The following DNAJC7 variants were observed in gnomAD, a reference collection of about 807,000 sequenced individuals.
DNAJC7 encodes the protein dnaJ homolog subfamily C member 7.
A neutral mutation model predicts 67.4 loss-of-function variants in DNAJC7; 18 were observed. That is an observed-to-expected ratio of 0.27 (90% CI 0.18 to 0.40). DNAJC7 has a LOEUF of 0.40. Ranked by LOEUF, DNAJC7 falls within the 10% of genes least tolerant of loss-of-function variation. DNAJC7 has a pLI of 1.00. For synonymous variants in DNAJC7, 220 were observed against 207.8 expected (o/e 1.06, Z -0.50); for missense variants, 419 against 613.8 (o/e 0.68, Z 3.35).
chr17:41,983,352 G>T (rs908263376), intron 10 of DNAJC7, among the ~76,000 whole-genome samples: 5 of 152,114 alleles, frequency 3.3e-5, no homozygotes, highest in African/African-American at 1.2e-4. Flanking sequence ...TCCAACTCCT[G>T]ATCTCAGGTG....
rs1236156331 is a variant in DNAJC7 at position 42,011,081 on chromosome 17, A to C, written c.77+6259T>G. ...AAGACCTCTGAGTAACTTCCACATC[A>C]CTCAGTGCTGGAGAAAGGGGACCAA... On this transcript the variant is annotated intron_variant, in intron 1 of 13. Coordinates refer to ENST00000457167, the MANE Select transcript of DNAJC7 (RefSeq NM_003315.4). The C allele has an allele frequency of 2.0e-5, 3 of 152,112 alleles. No individual in the cohort carries two copies. The East Asian group carries it at 5.8e-4, about 29-fold the overall frequency. 9.4% of individuals were successfully genotyped at this position (152,112 alleles called of 1,614,324 possible). A position where few individuals can be genotyped will look rare whatever the true frequency, so the allele number is the denominator to read the frequency against.
chr17:42,013,891 T>C (rs990660303), intron 1 of DNAJC7: 1 of 152,180 alleles, frequency 6.6e-6, no homozygotes, highest in Non-Finnish European at 1.5e-5. Flanking sequence ...GCCTACCGGA[T>C]TCAAGTGATT....
At chr17:42,013,545 A>G (rs1183338136) in intron 1 of DNAJC7, 1 of 152,214 alleles carries the variant, frequency 6.6e-6, no homozygotes, top group African/African-American at 2.4e-5. Flanking sequence ...TGATCCCTAA[A>G]TGAACTGGTA....
intron 12 of DNAJC7, 183 bp downstream of exon 12, chr17:41,981,672 C>T (rs2051256086): frequency 3.8e-6 from 3 of 782,232 alleles, no homozygotes; most frequent in Non-Finnish European, 6.0e-6. Flanking sequence ...CTCGCCTCCT[C>T]AGAGCTCACT....
intron 10 of DNAJC7, 106 bp from the exon 11 acceptor site, chr17:41,982,507 G>A (rs2051275665): frequency 1.4e-6 from 2 of 1,434,860 alleles, no homozygotes; most frequent in Admixed American, 4.3e-5. Context: ...AACCATGCCA[G>A]GGACTTTTAC....
At chr17:41,978,049 G>C (rs1184195379) in intron 12 of DNAJC7, among the ~76,000 whole-genome samples, 2 of 152,150 alleles carry the variant, frequency 1.3e-5, no homozygotes, top group African/African-American at 4.8e-5. Context: ...TGTTTTGTCA[G>C]GGTAAGTATC....
At chr17:41,980,397 A>G (rs1171634242) in intron 12 of DNAJC7, among the ~76,000 whole-genome samples, 1 of 150,438 alleles carries the variant, frequency 6.6e-6, no homozygotes, top group African/African-American at 2.4e-5. Context: ...TTAATTAATT[A>G]ATTTTTGAGA....
intron 3 of DNAJC7, 84 bp from the exon 4 acceptor site, chr17:41,996,508 A>G: frequency 7.8e-7 from 1 of 1,287,030 alleles, no homozygotes; most frequent in Non-Finnish European, 1.1e-6. Flanking sequence ...ACCCACACAA[A>G]ACCAACACAG....
At chr17:42,010,074 G>A (rs920283041) in intron 1 of DNAJC7, among the ~76,000 whole-genome samples, 6 of 152,142 alleles carry the variant, frequency 3.9e-5, no homozygotes, top group East Asian at 1.9e-4. Flanking sequence ...CCCAGGAAGC[G>A]GAGATTGCAG....
intron 12 of DNAJC7, chr17:41,977,528 G>A (rs944491285): frequency 3.0e-5 from 14 of 467,518 alleles, no homozygotes; most frequent in Non-Finnish European, 5.4e-5. Flanking sequence ...CCTAGGACAT[G>A]TTCCCTTCTC....
At chr17:42,015,208 G>A (rs1555651671) in intron 1 of DNAJC7, 2 of 151,376 alleles carry the variant, frequency 1.3e-5, no homozygotes, top group East Asian at 1.9e-4. Context: ...TCAAACTCCC[G>A]ACCTCAGCTG....
intron 9 of DNAJC7, chr17:41,984,569 AGT>A (rs1248580428): frequency 6.6e-6 from 1 of 151,776 alleles, no homozygotes; most frequent in Non-Finnish European, 1.5e-5. Context: ...GACCTCCCAG[AGT>A]GTTGGGATTA....
At chr17:41,986,549 T>G (rs2051385892) in intron 9 of DNAJC7, among the ~76,000 whole-genome samples, 1 of 149,518 alleles carries the variant, frequency 6.7e-6, no homozygotes, top group Admixed American at 6.7e-5. Flanking sequence ...TTTTTTTTTT[T>G]GCTATTATAG....
intron 1 of DNAJC7, chr17:42,017,046 C>T (rs1351659413): frequency 7.4e-7 from 1 of 1,355,520 alleles, no homozygotes; most frequent in Non-Finnish European, 9.5e-7. Context: ...CCACCTCGCA[C>T]CAGACCTCTG....
At chr17:42,010,748 G>C (rs192212094) in intron 1 of DNAJC7, among the ~76,000 whole-genome samples, 1 of 152,218 alleles carries the variant, frequency 6.6e-6, no homozygotes, top group East Asian at 1.9e-4. Context: ...AGTAATATTA[G>C]AATCAAGAGA....
chr17:42,011,906 G>T (rs1334438603), intron 1 of DNAJC7: 1 of 152,174 alleles, frequency 6.6e-6, no homozygotes, highest in African/African-American at 2.4e-5. Flanking sequence ...GGAAACCCGG[G>T]ACATGAATTG....
chr17:42,011,727 A>G (rs2052123021), intron 1 of DNAJC7: 2 of 152,350 alleles, frequency 1.3e-5, no homozygotes, highest in South Asian at 4.1e-4. Flanking sequence ...TGAAATGTCT[A>G]GGTGCTTGCT....
chr17:42,010,382 C>T (rs1307940417), intron 1 of DNAJC7, among the ~76,000 whole-genome samples: 1 of 151,810 alleles, frequency 6.6e-6, no homozygotes, highest in Non-Finnish European at 1.5e-5. Context: ...ATTCCAGCTA[C>T]TCAGGAAGCT....
Position 42,003,137 on chromosome 17 carries a change from C to G in DNAJC7, c.78-2567G>C, listed in dbSNP as rs191168286. Among the ~76,000 whole-genome samples the G allele has an allele frequency of 7.4e-4, 112 of 152,342 alleles. 1 individual carries two copies. Among genetic ancestry groups the G allele is most frequent in the African/African-American group, 2.6e-3 (108 of 41,570 alleles). On this transcript the variant is annotated intron_variant, in intron 1 of 13. Transcript: ENST00000457167. ...TTTTTAACCTCACACTGCACAGCAT[C>G]AGGCCAGAATTAGCTATTCCCACAC...
Sources: allele counts gnomAD v4.1 joint callset (sites outside exome capture counted in the v4.1 genomes callset), GRCh38; gene constraint gnomAD v4.1.1; transcripts MANE v1.5; gene names NCBI Gene and HGNC (gene_info 2026-07-23, HGNC 2026-07-21).